MAP2: variants seen among roughly 807,000 people sequenced by gnomAD.
MAP2 encodes the protein microtubule-associated protein 2.
Under a neutral mutation model 137.6 loss-of-function variants are expected in MAP2, and 14 were observed. The observed-to-expected ratio is 0.10, with a 90% CI of 0.07 to 0.16. The LOEUF (loss-of-function observed/expected upper bound fraction) is 0.16. MAP2 is among the 10% of genes least tolerant of loss of function. The probability of loss-of-function intolerance (pLI) is 1.00; values close to 1 mark genes in which losing one functional copy is unlikely to be tolerated. For missense variants in MAP2, 2,088 were observed against 2,191.5 expected (o/e 0.95, Z 0.94); for synonymous variants, 786 against 782.3 (o/e 1.00, Z -0.08).
rs758842077 is a variant in MAP2, at chr2:209,653,367, C to T, written c.197C>T (p.Thr66Ile). The change falls in exon 5 of 16, where the codon ACC becomes ATC. Residue 66 changes from threonine (T) to isoleucine (I), a missense_variant. Thr to Ile is a moderately conservative substitution (Grantham distance 89). Around this residue, in one of 6 missense-constraint regions of MAP2, gnomAD observed 859 missense variants for 794.5 expected, o/e 1.08. Coordinates refer to ENST00000682079, the MANE Select transcript of MAP2 (RefSeq NM_001375505.1). ...TTTGGAGAGCATGGGTCACAGGGCA[C>T]CTATTCAAATACCAAAGAGAATGGG... is the stretch of plus-strand genomic sequence containing the variant. ...GAFGEHGSQG[T>I]YSNTKENGIN... The T allele has an allele frequency of 1.9e-6, 3 of 1,613,832 alleles. No homozygotes were observed. Among genetic ancestry groups the T allele is most frequent in the African/African-American group, 2.7e-5 (2 of 74,914 alleles).
At chr2:209,637,521 GAGATA>G (rs1477343677) in intron 4 of MAP2, among the ~76,000 whole-genome samples, 3 of 151,892 alleles carry the variant, frequency 2.0e-5, no homozygotes, top group Non-Finnish European at 4.4e-5. Context: ...AGGATGAGAT[GAGATA>G]AGATAAGATG....
chr2:209,713,737 A>G (rs1298847073), intron 13 of MAP2, among the ~76,000 whole-genome samples: 1 of 152,230 alleles, frequency 6.6e-6, no homozygotes, highest in Non-Finnish European at 1.5e-5. Flanking sequence ...AACACGTAGC[A>G]TAAAAAAATT....
intron 11 of MAP2, among the ~76,000 whole-genome samples, chr2:209,703,589 T>C (rs1559618062): frequency 6.6e-6 from 1 of 152,156 alleles, no homozygotes; most frequent in Non-Finnish European, 1.5e-5. Flanking sequence ...AACAACAAAA[T>C]TTAAGCACTC....
chr2:209,611,624 A>G (rs1369796935), intron 3 of MAP2, among the ~76,000 whole-genome samples: 1 of 152,132 alleles, frequency 6.6e-6, no homozygotes, highest in African/African-American at 2.4e-5. Context: ...GTTCCGTACT[A>G]TAAGAAGTAC....
intron 3 of MAP2, among the ~76,000 whole-genome samples, chr2:209,601,896 C>G (rs2083121918): frequency 6.6e-6 from 1 of 152,082 alleles, no homozygotes; most frequent in Non-Finnish European, 1.5e-5. Flanking sequence ...AAGTAAATTG[C>G]CAAAAAGACT....
At chr2:209,642,217 G>T (rs774140173) in intron 4 of MAP2, among the ~76,000 whole-genome samples, 1 of 151,882 alleles carries the variant, frequency 6.6e-6, no homozygotes, top group Non-Finnish European at 1.5e-5. Flanking sequence ...CTGAGGCAGA[G>T]GAATTGCTTG....
intron 2 of MAP2, among the ~76,000 whole-genome samples, chr2:209,517,560 G>T (rs1247560265): frequency 6.6e-6 from 1 of 151,968 alleles, no homozygotes; most frequent in African/African-American, 2.4e-5. Flanking sequence ...GGATTGCTTA[G>T]ATAGTTTTTA....
At chr2:209,470,748 A>G (rs780749903) in intron 1 of MAP2, among the ~76,000 whole-genome samples, 7 of 152,148 alleles carry the variant, frequency 4.6e-5, no homozygotes, top group Non-Finnish European at 8.8e-5. Flanking sequence ...CTAACTCCCA[A>G]GTCCAGCTTC....
Position 209,696,193 on chromosome 2 carries a change from A to G in MAP2, c.4023A>G (p.Ala1341=). Residue 1341 remains alanine, a synonymous_variant, in exon 8 of 16, where the codon GCA becomes GCG. Transcript: ENST00000682079. Reference sequence around the variant, plus strand: ...TAGAAGAGGCAGCTGAAGCCCAGGCAGAACCCAAAGATGGTTCCCCAGAGG... The same window carrying G: ...TAGAAGAGGCAGCTGAAGCCCAGGCGGAACCCAAAGATGGTTCCCCAGAGG... The part of the protein sequence containing the change: ...FEVEEAAEAQ[A]EPKDGSPEAP... 1 of 1,613,596 alleles carries G rather than the reference A, an allele frequency of 6.2e-7. No homozygotes were observed. The highest frequency in any genetic ancestry group is 8.5e-7 in the Non-Finnish European group (1 of 1,179,836).
chr2:209,561,724 C>A (rs764738149), intron 2 of MAP2, among the ~76,000 whole-genome samples: 1 of 152,166 alleles, frequency 6.6e-6, no homozygotes, highest in Non-Finnish European at 1.5e-5. Flanking sequence ...ATCCAATCAA[C>A]AAATGAATTA....
chr2:209,682,203 T>C (rs1027976472), intron 7 of MAP2, among the ~76,000 whole-genome samples: 1 of 152,066 alleles, frequency 6.6e-6, no homozygotes, highest in Non-Finnish European at 1.5e-5. Context: ...ACAGACATGA[T>C]CCCTGCTTTT....
At chr2:209,718,022 T>G (rs1417303120) in intron 13 of MAP2, among the ~76,000 whole-genome samples, 2 of 152,208 alleles carry the variant, frequency 1.3e-5, no homozygotes, top group Non-Finnish European at 2.9e-5. Context: ...GGCTTTTGTT[T>G]GTTTTGTTTT....
At chr2:209,576,268 A>G (rs288072) in intron 2 of MAP2, among the ~76,000 whole-genome samples, 13,560 of 151,950 alleles carry the variant, frequency 0.089, 1,535 homozygotes, top group African/African-American at 0.26. Context: ...TTGAGAGACG[A>G]AGTCTTGCTC....
At chr2:209,523,684 G>A (rs2063599534) in intron 2 of MAP2, among the ~76,000 whole-genome samples, 1 of 152,182 alleles carries the variant, frequency 6.6e-6, no homozygotes, top group Non-Finnish European at 1.5e-5. Flanking sequence ...CAAACTGCAT[G>A]AGACCTATTC....
intron 3 of MAP2, among the ~76,000 whole-genome samples, chr2:209,617,841 T>C (rs556260057): frequency 1.3e-5 from 2 of 152,302 alleles, no homozygotes; most frequent in Non-Finnish European, 2.9e-5. Flanking sequence ...TCAGAGACAC[T>C]TTGGCAGCAT....
At chr2:209,549,910 G>A (rs2068828601) in intron 2 of MAP2, among the ~76,000 whole-genome samples, 1 of 152,126 alleles carries the variant, frequency 6.6e-6, no homozygotes, top group South Asian at 2.1e-4. Flanking sequence ...GGAACTATAA[G>A]TTTACTCGTC....
chr2:209,429,848 T>A (rs1438133036), intron 1 of MAP2, among the ~76,000 whole-genome samples: 4 of 152,108 alleles, frequency 2.6e-5, no homozygotes, highest in African/African-American at 9.7e-5. Context: ...GGTGCTGAAA[T>A]TACATAATGA....
chr2:209,571,779 A>C (rs759558115), intron 2 of MAP2, among the ~76,000 whole-genome samples: 2 of 151,998 alleles, frequency 1.3e-5, no homozygotes, highest in Non-Finnish European at 2.9e-5. Context: ...TTAGGTGGTA[A>C]TGTCATATGA....
At chr2:209,559,498 A>AAAAAAAAAC (rs2071496405) in intron 2 of MAP2, among the ~76,000 whole-genome samples, 1 of 150,094 alleles carries the variant, frequency 6.7e-6, no homozygotes, top group Non-Finnish European at 1.5e-5. Context: ...AAAAAAAAAA[A>AAAAAAAAAC]AAAAAAGCCG....
Sources: gnomAD v4.1 joint callset for allele counts (sites outside exome capture counted in the v4.1 genomes callset) on GRCh38, gnomAD v4.1.1 for gene constraint, gnomAD v4.1.1 regional missense constraint, MANE v1.5 for transcripts, NCBI Gene and HGNC (gene_info 2026-07-23, HGNC 2026-07-21) for gene names.